Variants in SOX6 observed in about 807,000 individuals in gnomAD.
The protein encoded by SOX6 is SRY-box transcription factor 6, also known as transcription factor SOX-6.
A neutral mutation model predicts 97.8 loss-of-function variants in SOX6; 11 were observed. That is an observed-to-expected ratio of 0.11 (90% CI 0.07 to 0.19). The LOEUF is 0.19. Ranked by LOEUF, SOX6 falls within the 10% of genes least tolerant of loss-of-function variation. The pLI is 1.00. For synonymous variants in SOX6, 360 were observed against 371.4 expected, an observed-to-expected ratio of 0.97 and a Z score of 0.35; for missense variants, 810 against 1,039.5, an observed-to-expected ratio of 0.78 and a Z score of 3.04.
chr11:16,343,039 T>C (rs369385229), intron 1 of SOX6, among the ~76,000 whole-genome samples: 2 of 151,822 alleles, frequency 1.3e-5, no homozygotes, highest in Admixed American at 1.3e-4. Context: ...TTGATCAATT[T>C]ATATCAATAA....
At chr11:16,089,897 G>A (rs1848647059) in intron 9 of SOX6, among the ~76,000 whole-genome samples, 1 of 152,086 alleles carries the variant, frequency 6.6e-6, no homozygotes, top group Non-Finnish European at 1.5e-5. Flanking sequence ...AAACAGAAGT[G>A]AAGCATTTTC....
chr11:16,246,071 T>C (rs1027135278), intron 3 of SOX6, among the ~76,000 whole-genome samples: 2 of 151,450 alleles, frequency 1.3e-5, no homozygotes, highest in African/African-American at 4.8e-5. Flanking sequence ...TATACCTCTT[T>C]ATTTCATTAT....
chr11:16,175,083 A>G (rs1442352733), intron 6 of SOX6, among the ~76,000 whole-genome samples: 2 of 151,918 alleles, frequency 1.3e-5, no homozygotes, highest in Non-Finnish European at 2.9e-5. Context: ...CCTCTGTACT[A>G]TCATGGTGAT....
chr11:16,343,340 CA>C (rs1360976975), intron 1 of SOX6, among the ~76,000 whole-genome samples: 1 of 151,920 alleles, frequency 6.6e-6, no homozygotes, highest in African/African-American at 2.4e-5. Flanking sequence ...ATCCAAAAAT[CA>C]GAGTGACTTT....
intron 3 of SOX6, among the ~76,000 whole-genome samples, chr11:16,302,723 C>G (rs1258476720): frequency 6.6e-6 from 1 of 151,842 alleles, no homozygotes; most frequent in Non-Finnish European, 1.5e-5. Context: ...GCGTGCGCCA[C>G]CACACCCAAC....
intron 4 of SOX6, among the ~76,000 whole-genome samples, chr11:16,234,268 CTA>C (rs1852948242): frequency 6.6e-6 from 1 of 152,046 alleles, no homozygotes; most frequent in Admixed American, 6.6e-5. Context: ...AGAGGGAAAA[CTA>C]AGACTATCTT....
At chr11:16,658,705 C>G (rs1375432599) in intron 3 of SOX6, among the ~76,000 whole-genome samples, 1 of 134,204 alleles carries the variant, frequency 7.5e-6, no homozygotes, top group African/African-American at 2.9e-5. Context: ...GAGACTCCGT[C>G]TCAAAAAAAA....
At chr11:16,221,504 A>T (rs1852536507) in intron 4 of SOX6, among the ~76,000 whole-genome samples, 1 of 152,152 alleles carries the variant, frequency 6.6e-6, no homozygotes, top group African/African-American at 2.4e-5. Context: ...TTTTATTGGC[A>T]TTGGAAGCTG....
chr11:16,495,115 T>G (rs1454886415), intron 4 of SOX6, among the ~76,000 whole-genome samples: 1 of 152,098 alleles, frequency 6.6e-6, no homozygotes, highest in African/African-American at 2.4e-5. Flanking sequence ...CATGAGCCAC[T>G]GGCAACAATC....
chr11:16,672,376 T>C (rs943741706), intron 3 of SOX6, among the ~76,000 whole-genome samples: 1 of 152,166 alleles, frequency 6.6e-6, no homozygotes, highest in Non-Finnish European at 1.5e-5. Context: ...AACACAAAAC[T>C]GTATTAGTCC....
At chr11:16,714,314 C>T (rs1340180112) in intron 3 of SOX6, among the ~76,000 whole-genome samples, 2 of 151,944 alleles carry the variant, frequency 1.3e-5, no homozygotes, top group Non-Finnish European at 2.9e-5. Context: ...AATTACTAAA[C>T]TTTCAAAGTT....
intron 2 of SOX6, among the ~76,000 whole-genome samples, chr11:16,334,572 C>T (rs1018067028): frequency 6.6e-6 from 1 of 151,956 alleles, no homozygotes; most frequent in African/African-American, 2.4e-5. Context: ...GGACCACAGG[C>T]ACGCACCACC....
intron 4 of SOX6, among the ~76,000 whole-genome samples, chr11:16,513,221 A>C (rs1860907429): frequency 6.6e-6 from 1 of 152,226 alleles, no homozygotes; most frequent in African/African-American, 2.4e-5. Context: ...AAATGTAACT[A>C]AGAAAATGTA....
intron 4 of SOX6, among the ~76,000 whole-genome samples, chr11:16,538,017 A>T (rs1182466288): frequency 6.6e-6 from 1 of 152,202 alleles, no homozygotes; most frequent in Non-Finnish European, 1.5e-5. Context: ...CCCAAGACAC[A>T]TAATTTTCAG....
intron 4 of SOX6, among the ~76,000 whole-genome samples, chr11:16,520,480 A>G (rs1205527047): frequency 6.6e-6 from 1 of 152,230 alleles, no homozygotes; most frequent in Non-Finnish European, 1.5e-5. Context: ...AACTTCTTAA[A>G]GTAAACCTTG....
chr11:16,583,614 C>CATATATATATATATATATATACAT (rs1848054025), intron 4 of SOX6, among the ~76,000 whole-genome samples: 1 of 104,706 alleles, frequency 9.6e-6, no homozygotes, highest in Non-Finnish European at 2.1e-5. Flanking sequence ...TATATATATA[C>CATATATATATATATATATATACAT]ATATATATAT....
At position 16,049,740 on chromosome 11, in the gene SOX6, G is replaced by T; in HGVS notation, c.1435+15C>A. ...AATTCGTAAGTCTCTTCCTGGTGTT[G>T]ACTTTTCCATTTACCTAAAGAGGAT... is the stretch of plus-strand genomic sequence containing the variant. On this transcript the variant is annotated intron_variant, in intron 11 of 15. Transcript: ENST00000683767. 6.2e-7 allele frequency: 1 copy of T among 1,612,978 alleles called. No homozygotes were observed. The highest frequency in any genetic ancestry group is 1.1e-5 in the South Asian group (1 of 91,016).
intron 5 of SOX6, 66 bp from the exon 6 acceptor site, chr11:16,184,020 T>C (rs1312933381): frequency 3.7e-6 from 5 of 1,354,030 alleles, no homozygotes; most frequent in African/African-American, 1.4e-5. Flanking sequence ...ACCTCAGGTA[T>C]TTCTCCTGGT....
intron 4 of SOX6, among the ~76,000 whole-genome samples, chr11:16,536,759 G>A (rs759638148): frequency 1.3e-5 from 2 of 152,298 alleles, no homozygotes; most frequent in Non-Finnish European, 1.5e-5. Context: ...ACGGCCATCC[G>A]CCATTGCTGA....
Sources: gnomAD v4.1 joint callset for allele counts (sites outside exome capture counted in the v4.1 genomes callset) on GRCh38, gnomAD v4.1.1 for gene constraint, MANE v1.5 for transcripts, NCBI Gene and HGNC (gene_info 2026-07-23, HGNC 2026-07-21) for gene names.